FREM2: variants seen among roughly 807,000 people sequenced by gnomAD.
The protein encoded by FREM2 is FRAS1-related extracellular matrix protein 2.
Under a neutral mutation model 219.9 loss-of-function variants are expected in FREM2, and 119 were observed. The ratio of observed to expected loss-of-function variants is 0.54; its 90% CI spans 0.47 to 0.63. The LOEUF (loss-of-function observed/expected upper bound fraction) is 0.63. Among genes scored for constraint, FREM2 ranks in the 30% least tolerant of loss-of-function variants. FREM2 has a pLI of 0.00. For synonymous variants in FREM2, 1,562 were observed against 1,522.8 expected (o/e 1.03, Z -0.60); for missense variants, 4,030 against 3,993.6 (o/e 1.01, Z -0.25).
intron 6 of FREM2, 25 bp from the exon 7 acceptor site, chr13:38,846,548 A>G (rs1877159790): frequency 1.2e-6 from 2 of 1,611,592 alleles, no homozygotes; most frequent in Non-Finnish European, 1.7e-6. Context: ...AATAACAGAA[A>G]TGATTTCTGT....
At position 38,687,458 on chromosome 13, in the gene FREM2, G is replaced by A. The variant is rs1869514484; in HGVS notation, c.114G>A (p.Leu38=). The change falls in exon 1 of 24, where the codon CTG becomes CTA. Residue 38 remains leucine, a synonymous_variant. Coordinates refer to ENST00000280481, the MANE Select transcript of FREM2 (RefSeq NM_207361.6). The part of the protein sequence containing the change: ...PRLLLLLLLL[L]SLVSRVPAQP... ...TGCTGCTGCTGCTGCTGCTTCTCCT[G>A]TCACTGGTAAGCCGCGTCCCGGCAC... The A allele has an allele frequency of 6.3e-7, 1 of 1,593,476 alleles. No homozygotes were observed. Among genetic ancestry groups the A allele is most frequent in the African/African-American group, 1.3e-5 (1 of 74,654 alleles).
At chr13:38,803,044 A>G (rs1470858311) in intron 6 of FREM2, among the ~76,000 whole-genome samples, 2 of 152,016 alleles carry the variant, frequency 1.3e-5, no homozygotes, top group Non-Finnish European at 2.9e-5. Context: ...TGTCTATTCA[A>G]AGTTTGAATA....
intron 6 of FREM2, among the ~76,000 whole-genome samples, chr13:38,824,738 A>G (rs541635318): frequency 4.0e-4 from 61 of 152,162 alleles, no homozygotes; most frequent in Non-Finnish European, 6.5e-4. Flanking sequence ...ACCTGAAAGG[A>G]TATCACAAAA....
chr13:38,786,808 A>G (rs1874349419), intron 6 of FREM2, among the ~76,000 whole-genome samples: 1 of 152,182 alleles, frequency 6.6e-6, no homozygotes, highest in South Asian at 2.1e-4. Flanking sequence ...AATCTGCAAA[A>G]TGAAAGATGA....
intron 6 of FREM2, among the ~76,000 whole-genome samples, chr13:38,788,774 G>T (rs1874434984): frequency 6.6e-6 from 1 of 151,932 alleles, no homozygotes; most frequent in African/African-American, 2.4e-5. Flanking sequence ...TATTATAATG[G>T]TCCCCCATTT....
chr13:38,874,399 C>A, intron 17 of FREM2, 83 bp from the exon 18 acceptor site: 1 of 1,096,506 alleles, frequency 9.1e-7, no homozygotes, highest in Non-Finnish European at 1.4e-6. Flanking sequence ...CAAGTCAAAC[C>A]TGAATTAATT....
intron 2 of FREM2, among the ~76,000 whole-genome samples, chr13:38,762,856 C>T (rs1309887767): frequency 6.6e-6 from 1 of 152,204 alleles, no homozygotes; most frequent in Non-Finnish European, 1.5e-5. Context: ...GCTACATTCA[C>T]AGTATCAGTA....
At chr13:38,754,458 T>G (rs376563416) in intron 2 of FREM2, among the ~76,000 whole-genome samples, 6 of 152,246 alleles carry the variant, frequency 3.9e-5, no homozygotes, top group African/African-American at 1.4e-4. Flanking sequence ...AAATGAAGAC[T>G]CAGAGGAAGT....
intron 4 of FREM2, among the ~76,000 whole-genome samples, chr13:38,775,862 G>T (rs145206276): frequency 6.6e-6 from 1 of 152,030 alleles, no homozygotes; most frequent in Non-Finnish European, 1.5e-5. Flanking sequence ...CAAGTGATCC[G>T]CCTGCCTTGG....
intron 2 of FREM2, among the ~76,000 whole-genome samples, chr13:38,709,976 T>G (rs1362100559): frequency 7.1e-6 from 1 of 140,874 alleles, no homozygotes; most frequent in Admixed American, 7.8e-5. Flanking sequence ...AAAATTAGTC[T>G]AACTAAAAAT....
At chr13:38,868,782 T>C (rs1353028688) in intron 16 of FREM2, among the ~76,000 whole-genome samples, 1 of 152,228 alleles carries the variant, frequency 6.6e-6, no homozygotes, top group Admixed American at 6.5e-5. Context: ...AAGTAAATGC[T>C]TGGTAAATTC....
At chr13:38,832,598 A>G (rs1423518749) in intron 6 of FREM2, among the ~76,000 whole-genome samples, 1 of 152,190 alleles carries the variant, frequency 6.6e-6, no homozygotes, top group East Asian at 1.9e-4. Context: ...AATTTTATAC[A>G]TACCATTCTC....
intron 2 of FREM2, among the ~76,000 whole-genome samples, chr13:38,707,754 A>G (rs897523649): frequency 3.9e-5 from 6 of 152,354 alleles, no homozygotes; most frequent in Middle Eastern, 3.4e-3. Flanking sequence ...CCCAAGAAAG[A>G]AAAGAACCAT....
At chr13:38,734,539 G>A (rs1418067347) in intron 2 of FREM2, among the ~76,000 whole-genome samples, 1 of 151,942 alleles carries the variant, frequency 6.6e-6, no homozygotes, top group African/African-American at 2.4e-5. Flanking sequence ...AAAAATTGTT[G>A]AGGACCTCAA....
chr13:38,709,363 T>C (rs955104986), intron 2 of FREM2, among the ~76,000 whole-genome samples: 1 of 152,166 alleles, frequency 6.6e-6, no homozygotes, highest in Non-Finnish European at 1.5e-5. Flanking sequence ...TGGATGTATA[T>C]AGCAATATAT....
chr13:38,824,095 A>G (rs1876176648), intron 6 of FREM2, among the ~76,000 whole-genome samples: 2 of 152,126 alleles, frequency 1.3e-5, no homozygotes, highest in African/African-American at 4.8e-5. Context: ...AAACTTTAAG[A>G]TCAAATACCG....
At chr13:38,847,969 A>G (rs1877225513) in intron 7 of FREM2, among the ~76,000 whole-genome samples, 1 of 152,122 alleles carries the variant, frequency 6.6e-6, no homozygotes, top group African/African-American at 2.4e-5. Flanking sequence ...CAGAGCTGGT[A>G]CCCCTTAAAT....
rs759061968 is a variant in FREM2 at position 38,689,299 on chromosome 13, G to A, written c.1955G>A (p.Arg652Lys). 1.9e-6 allele frequency: 3 copies of A among 1,614,138 alleles called. No homozygotes were observed. Among genetic ancestry groups the A allele is most frequent in the South Asian group, 2.2e-5 (2 of 91,076 alleles). ...EWQQQDITEG[R>K]LFYRHSGPHS... ...CAGCAGCAGGACATAACAGAGGGCA[G>A]GCTGTTCTATAGACACTCTGGGCCC... The change falls in exon 1 of 24, where the codon AGG becomes AAG. Residue 652 changes from arginine to lysine, a missense_variant. Arg to Lys is a conservative substitution (Grantham distance 26). This residue lies in a region of FREM2 where 3,102 missense variants were observed against 2,950.7 expected (regional missense o/e 1.05). Coordinates refer to ENST00000280481, the MANE Select transcript of FREM2 (RefSeq NM_207361.6).
intron 15 of FREM2, among the ~76,000 whole-genome samples, chr13:38,864,025 C>G (rs1877859354): frequency 6.6e-6 from 1 of 152,002 alleles, no homozygotes; most frequent in Non-Finnish European, 1.5e-5. Context: ...GACAGGGTTT[C>G]ATCATGTTGG....
Sources: gnomAD v4.1 joint callset for allele counts (sites outside exome capture counted in the v4.1 genomes callset) on GRCh38, gnomAD v4.1.1 for gene constraint, gnomAD v4.1.1 regional missense constraint, MANE v1.5 for transcripts, NCBI Gene and HGNC (gene_info 2026-07-23, HGNC 2026-07-21) for gene names.